COA1: variants seen among roughly 807,000 people sequenced by gnomAD.
COA1 encodes the protein cytochrome c oxidase assembly factor 1.
A neutral mutation model predicts 16.0 loss-of-function variants in COA1; 13 were observed. The observed-to-expected ratio is 0.81, with a 90% CI of 0.53 to 1.29. The LOEUF (loss-of-function observed/expected upper bound fraction) is 1.29. Ranked by LOEUF, COA1 falls within the 50% of genes most tolerant of loss-of-function variation. The pLI is 0.00. For missense variants in COA1, 179 were observed against 177.0 expected, an observed-to-expected ratio of 1.01 and a Z score of -0.06; for synonymous variants, 65 against 65.7, an observed-to-expected ratio of 0.99 and a Z score of 0.05.
intron 1 of COA1, among the ~76,000 whole-genome samples, chr7:43,724,701 C>T (rs774352456): frequency 8.5e-5 from 13 of 152,162 alleles, no homozygotes; most frequent in Admixed American, 3.3e-4. Context: ...CTATGGAATA[C>T]AATGTAATAC....
At chr7:43,627,213 T>G (rs1433347427) in intron 6 of COA1, among the ~76,000 whole-genome samples, 1 of 152,182 alleles carries the variant, frequency 6.6e-6, no homozygotes. Flanking sequence ...GAAATGATAT[T>G]TGATTGATCT....
intron 1 of COA1, among the ~76,000 whole-genome samples, chr7:43,707,357 G>C (rs1433120651): frequency 6.6e-6 from 1 of 152,190 alleles, no homozygotes; most frequent in Non-Finnish European, 1.5e-5. Context: ...ATTAAAAACT[G>C]AGTGGTTCTT....
intron 1 of COA1, chr7:43,649,688 C>G (rs1162994561): frequency 1.3e-5 from 2 of 152,252 alleles, no homozygotes; most frequent in Non-Finnish European, 2.9e-5. Flanking sequence ...CGGCTATGCA[C>G]TGCACAACCC....
intron 1 of COA1, among the ~76,000 whole-genome samples, chr7:43,717,037 G>T (rs952819308): frequency 1.3e-5 from 2 of 152,224 alleles, no homozygotes; most frequent in Non-Finnish European, 2.9e-5. Flanking sequence ...ATGTATGGAA[G>T]CCCAGGCAAA....
intron 1 of COA1, among the ~76,000 whole-genome samples, chr7:43,662,493 G>A (rs6954218): frequency 0.085 from 13,014 of 152,258 alleles, 656 homozygotes; most frequent in East Asian, 0.19. Flanking sequence ...GCCTCCCAAA[G>A]TGCTGGGATT....
intron 1 of COA1, among the ~76,000 whole-genome samples, chr7:43,673,676 A>G (rs753785285): frequency 6.6e-6 from 1 of 152,238 alleles, no homozygotes; most frequent in Non-Finnish European, 1.5e-5. Context: ...TTGCTCTTCC[A>G]TAAAGACACA....
At chr7:43,619,515 G>A (rs2083654739) in intron 6 of COA1, 3 of 1,503,750 alleles carry the variant, frequency 2.0e-6, no homozygotes, top group East Asian at 2.3e-5. Flanking sequence ...AGTTTCATAG[G>A]TGAAATATGT....
intron 1 of COA1, among the ~76,000 whole-genome samples, chr7:43,683,434 C>T (rs1221740454): frequency 6.6e-6 from 1 of 152,004 alleles, no homozygotes; most frequent in Non-Finnish European, 1.5e-5. Flanking sequence ...AGATCAAGAC[C>T]ATCCTGGCTA....
At chr7:43,628,308 ATTG>A (rs1488808141) in intron 6 of COA1, among the ~76,000 whole-genome samples, 1 of 146,792 alleles carries the variant, frequency 6.8e-6, no homozygotes, top group Non-Finnish European at 1.5e-5. Context: ...GTTCCTTTTT[ATTG>A]TTGTGTCGTG....
At chr7:43,622,448 T>C (rs373140245) in intron 6 of COA1, 1 of 152,314 alleles carries the variant, frequency 6.6e-6, no homozygotes, top group East Asian at 1.9e-4. Context: ...TTCCTTTTTT[T>C]AATTGTAATT....
chr7:43,647,866 G>A, intron 2 of COA1: 1 of 529,340 alleles, frequency 1.9e-6, no homozygotes, highest in Non-Finnish European at 3.4e-6. Flanking sequence ...CCATGCTGTG[G>A]GGGCCCTGCC....
intron 1 of COA1, among the ~76,000 whole-genome samples, chr7:43,687,905 A>C (rs1056194867): frequency 6.6e-6 from 1 of 152,080 alleles, no homozygotes; most frequent in African/African-American, 2.4e-5. Context: ...CAGAATTGCC[A>C]TGTGTTGTGG....
At chr7:43,691,416 A>G (rs368595021) in intron 1 of COA1, among the ~76,000 whole-genome samples, 1,665 of 88,884 alleles carry the variant, frequency 0.019, 57 homozygotes, top group African/African-American at 0.043. Flanking sequence ...AGGAAGGAAG[A>G]AAGAAAAAGA....
intron 6 of COA1, chr7:43,624,659 G>A (rs775315943): frequency 1.5e-5 from 24 of 1,613,902 alleles, no homozygotes; most frequent in East Asian, 1.3e-4. Flanking sequence ...AAATTAATTC[G>A]GATACCGACA....
chr7:43,691,833 G>T (rs934414564), intron 1 of COA1, among the ~76,000 whole-genome samples: 3 of 152,188 alleles, frequency 2.0e-5, no homozygotes, highest in Non-Finnish European at 2.9e-5. Flanking sequence ...CCTGCTGACT[G>T]TGCTCCCGGG....
rs1554501247 is a variant in COA1, at chr7:43,644,748, A to AGATG, written c.264+502_264+503insCATC. On this transcript the variant is annotated intron_variant, in intron 4 of 5. Coordinates refer to ENST00000223336, the MANE Select transcript of COA1 (RefSeq NM_018224.4). ...TAGATAGATAGATAGATAGATAGAT[A>AGATG]GATAGATAGATAGGCAGGCAGGCAG... Among the ~76,000 whole-genome samples, 130 of 90,346 alleles carry AGATG rather than the reference A, an allele frequency of 1.4e-3. 1 individual carries two copies. Among genetic ancestry groups the AGATG allele is most frequent in the Admixed American group, 9.6e-3 (84 of 8,722 alleles). 59.3% of individuals were successfully genotyped at this position (90,346 alleles called of 152,430 possible). A position where few individuals can be genotyped will look rare whatever the true frequency, so the allele number is the denominator to read the frequency against.
intron 1 of COA1, among the ~76,000 whole-genome samples, chr7:43,701,476 T>C (rs2094736516): frequency 1.3e-5 from 2 of 152,248 alleles, no homozygotes; most frequent in Non-Finnish European, 2.9e-5. Flanking sequence ...CAGTATTCCA[T>C]GGTGTGTATG....
chr7:43,637,551 TC>T (rs2086105584), downstream of COA1, among the ~76,000 whole-genome samples: 1 of 152,046 alleles, frequency 6.6e-6, no homozygotes, highest in Non-Finnish European at 1.5e-5. Context: ...GATGGCTGAG[TC>T]ACAGTGATGA....
intron 1 of COA1, among the ~76,000 whole-genome samples, chr7:43,704,820 C>T (rs1100406): frequency 0.83 from 125,758 of 152,120 alleles, 52,408 homozygotes; most frequent in African/African-American, 0.94. Flanking sequence ...CTTTTCAGCC[C>T]GGTTAAGAAC....
Sources: gnomAD v4.1 joint callset for allele counts (sites outside exome capture counted in the v4.1 genomes callset) on GRCh38, gnomAD v4.1.1 for gene constraint, MANE v1.5 for transcripts, NCBI Gene and HGNC (gene_info 2026-07-23, HGNC 2026-07-21) for gene names.